The following PRKRIP1 variants were observed in gnomAD, a reference collection of about 807,000 sequenced individuals.
PRKRIP1 encodes PRKR-interacting protein 1.
In PRKRIP1, 29 loss-of-function variants were observed where a neutral mutation model predicts 29.3. That is an observed-to-expected ratio of 0.99 (90% CI 0.74 to 1.35). The LOEUF (loss-of-function observed/expected upper bound fraction) is 1.35. Among genes scored for constraint, PRKRIP1 ranks in the 40% most tolerant of loss-of-function variants. The pLI is 0.00. For missense variants in PRKRIP1, 247 were observed against 236.8 expected (o/e 1.04, Z -0.28); for synonymous variants, 90 against 85.1 (o/e 1.06, Z -0.32).
intron 4 of PRKRIP1, among the ~76,000 whole-genome samples, chr7:102,404,987 C>T (rs1796175936): frequency 6.6e-6 from 1 of 151,668 alleles, no homozygotes; most frequent in Non-Finnish European, 1.5e-5. Context: ...AGTGCAGTGG[C>T]ACAATCTCGG....
intron 3 of PRKRIP1, among the ~76,000 whole-genome samples, chr7:102,400,844 C>T (rs1318447242): frequency 6.6e-6 from 1 of 151,980 alleles, no homozygotes; most frequent in Non-Finnish European, 1.5e-5. Flanking sequence ...GTATGTTGGC[C>T]AGGCTGGTCT....
At chr7:102,417,620 CTTTTTTTT>C (rs1276644958) in intron 5 of PRKRIP1, among the ~76,000 whole-genome samples, 12 of 127,408 alleles carry the variant, frequency 9.4e-5, no homozygotes, top group Non-Finnish European at 1.7e-5. Flanking sequence ...TTGTGGGTAC[CTTTTTTTT>C]TTTTTTTTTT....
At chr7:102,416,955 A>G (rs1365319576) in intron 5 of PRKRIP1, among the ~76,000 whole-genome samples, 1 of 151,948 alleles carries the variant, frequency 6.6e-6, no homozygotes, top group African/African-American at 2.4e-5. Context: ...TCTTGGGTTC[A>G]TGCCATTCTC....
At chr7:102,400,734 C>G (rs1586674804) in intron 3 of PRKRIP1, among the ~76,000 whole-genome samples, 1 of 152,262 alleles carries the variant, frequency 6.6e-6, no homozygotes, top group Non-Finnish European at 1.5e-5. Context: ...CTCCCAGTTT[C>G]AAGTGGTTCT....
At chr7:102,421,384 AAAAT>A (rs1796687916) in intron 5 of PRKRIP1, among the ~76,000 whole-genome samples, 1 of 151,792 alleles carries the variant, frequency 6.6e-6, no homozygotes, top group African/African-American at 2.4e-5. Flanking sequence ...GTCTCTACAA[AAAAT>A]ACAAAAATTA....
chr7:102,396,548 GC>G lies in PRKRIP1; in HGVS notation c.126+14del. On this transcript the variant is annotated intron_variant, in intron 1 of 5. Coordinates refer to ENST00000397912, the MANE Select transcript of PRKRIP1 (RefSeq NM_024653.4). ...CTCATGAAGAACCCGGTGAGACGAG[GC>G]CCAGGCTCCACGGCCCGTCCGAGGC... The G allele has an allele frequency of 6.2e-7, 1 of 1,604,236 alleles. No individual in the cohort carries two copies.
Position 102,399,541 on chromosome 7 carries a change from G to T in PRKRIP1, c.206-7G>T, listed in dbSNP as rs1554570918. 1.2e-6 allele frequency: 2 copies of T among 1,612,470 alleles called. No individual in the cohort carries two copies. The highest frequency in any genetic ancestry group is 1.1e-5 in the South Asian group (1 of 91,038). On this transcript the variant is annotated splice_polypyrimidine_tract_variant and splice_region_variant and intron_variant, in intron 2 of 5. Coordinates refer to ENST00000397912, the MANE Select transcript of PRKRIP1 (RefSeq NM_024653.4). The stretch of plus-strand genomic sequence containing the variant: ...TCATCTAGAACTGTGGACTGTTCTG[G>T]CTACAGGTTCAAGTGCTGGGGCCGG...
chr7:102,401,224 G>A (rs573877823), intron 3 of PRKRIP1, among the ~76,000 whole-genome samples: 1 of 152,156 alleles, frequency 6.6e-6, no homozygotes, highest in Non-Finnish European at 1.5e-5. Flanking sequence ...TAGAGGTATG[G>A]ATAGATCAAT....
At chr7:102,420,135 C>G (rs1202409908) in intron 5 of PRKRIP1, among the ~76,000 whole-genome samples, 1 of 152,172 alleles carries the variant, frequency 6.6e-6, no homozygotes, top group Non-Finnish European at 1.5e-5. Context: ...ATCTGCCCGC[C>G]TTGGCCTCCC....
chr7:102,409,377 A>G (rs545576995), intron 5 of PRKRIP1, among the ~76,000 whole-genome samples: 49 of 152,264 alleles, frequency 3.2e-4, no homozygotes, highest in South Asian at 8.3e-4. Flanking sequence ...CTCCACCGCA[A>G]CAGTAGATCA....
chr7:102,401,974 T>C (rs1206978220), intron 3 of PRKRIP1, among the ~76,000 whole-genome samples: 2 of 152,220 alleles, frequency 1.3e-5, no homozygotes, highest in Non-Finnish European at 2.9e-5. Context: ...TGTCAACTGA[T>C]ACTTGCTTGT....
chr7:102,397,727 TG>T, intron 2 of PRKRIP1, 29 bp downstream of exon 2: 1 of 1,589,846 alleles, frequency 6.3e-7, no homozygotes, highest in Non-Finnish European at 8.6e-7. Context: ...TGTGTGTGTG[TG>T]TGTGTGTGTA....
At chr7:102,407,836 A>G (rs1796274000) in intron 5 of PRKRIP1, among the ~76,000 whole-genome samples, 1 of 152,162 alleles carries the variant, frequency 6.6e-6, no homozygotes, top group Non-Finnish European at 1.5e-5. Flanking sequence ...AGGTGCCTGC[A>G]GCAGCTCTCG....
intron 5 of PRKRIP1, among the ~76,000 whole-genome samples, chr7:102,417,864 C>T (rs541557774): frequency 1.9e-3 from 291 of 151,332 alleles, no homozygotes; most frequent in Non-Finnish European, 3.5e-3. Context: ...CAAGCAGTCC[C>T]CCTGCCTCAG....
chr7:102,419,529 G>A (rs1349480328), intron 5 of PRKRIP1, among the ~76,000 whole-genome samples: 2 of 152,124 alleles, frequency 1.3e-5, no homozygotes, highest in African/African-American at 4.8e-5. Context: ...TAATTCCACT[G>A]CCCTAAAACA....
At chr7:102,410,393 A>C (rs1425273364) in intron 5 of PRKRIP1, among the ~76,000 whole-genome samples, 1 of 152,168 alleles carries the variant, frequency 6.6e-6, no homozygotes, top group East Asian at 1.9e-4. Context: ...GTTCACGTTG[A>C]GTGAGCTCAA....
At chr7:102,421,482 A>G (rs1019241039) in intron 5 of PRKRIP1, among the ~76,000 whole-genome samples, 3 of 151,506 alleles carry the variant, frequency 2.0e-5, no homozygotes, top group Non-Finnish European at 2.9e-5. Flanking sequence ...ACTCCAGCCC[A>G]GGTGACAGAG....
chr7:102,411,754 C>A (rs139668283), intron 5 of PRKRIP1, among the ~76,000 whole-genome samples: 1 of 151,356 alleles, frequency 6.6e-6, no homozygotes, highest in East Asian at 1.9e-4. Context: ...TTAACGCCCA[C>A]CAGTGCAAAA....
At chr7:102,399,678 C>T in intron 3 of PRKRIP1, 30 bp downstream of exon 3, 1 of 1,544,742 alleles carries the variant, frequency 6.5e-7, no homozygotes, top group East Asian at 2.2e-5. Context: ...GGCTGAGCCC[C>T]CATGTTTGGG....
Sources: allele counts gnomAD v4.1 joint callset (sites outside exome capture counted in the v4.1 genomes callset), GRCh38; gene constraint gnomAD v4.1.1; transcripts MANE v1.5; gene names NCBI Gene and HGNC (gene_info 2026-07-23, HGNC 2026-07-21).